TECPR2: variants seen among roughly 807,000 people sequenced by gnomAD.
TECPR2 encodes tectonin beta-propeller repeat containing 2.
TECPR2 carries 65 observed loss-of-function variants against 138.1 expected under a neutral mutation model. The observed-to-expected ratio is 0.47, with a 90% CI of 0.39 to 0.58. The LOEUF is 0.58. Ranked by LOEUF, TECPR2 falls within the 20% of genes least tolerant of loss-of-function variation. The pLI, the probability that TECPR2 is intolerant of heterozygous loss-of-function variation, is 0.00. For synonymous variants in TECPR2, 746 were observed against 749.8 expected, an observed-to-expected ratio of 0.99 and a Z score of 0.08; for missense variants, 1,553 against 1,824.5, an observed-to-expected ratio of 0.85 and a Z score of 2.71.
rs1889279596 is a variant in TECPR2 at position 102,425,087 on chromosome 14, G to GA, written c.748dup (p.Thr250AsnfsTer20). 1 of 1,614,006 alleles carries GA rather than the reference G, an allele frequency of 6.2e-7. No homozygotes were observed. Among genetic ancestry groups the GA allele is most frequent in the Non-Finnish European group, 8.5e-7 (1 of 1,180,038 alleles). ...GGCTATGGAAGGCTGATGTCCACGGGACTGTTCAAGCCACGTTTATCTTAA... is the reference window on the plus strand; with the variant it reads ...GGCTATGGAAGGCTGATGTCCACGGGAACTGTTCAAGCCACGTTTATCTTAA... On this transcript the variant is annotated frameshift_variant, in exon 6 of 20. Coordinates refer to ENST00000359520, the MANE Select transcript of TECPR2 (RefSeq NM_014844.5). LOFTEE classifies it high-confidence loss of function.
chr14:102,444,059 C>G lies in TECPR2; in HGVS notation c.2933+232C>G, dbSNP rs752858007. Among the ~76,000 whole-genome samples, 8 of 152,194 alleles carry G rather than the reference C, an allele frequency of 5.3e-5. No homozygotes were observed. In the East Asian group the frequency reaches 1.5e-3, roughly 29 times the overall value. ...CTCTGCGCAGCCCTGAGCATCACAGCGTCATGAGTCTGTCATGACGGTCTC... is the reference window on the plus strand; with the variant it reads ...CTCTGCGCAGCCCTGAGCATCACAGGGTCATGAGTCTGTCATGACGGTCTC... On this transcript the variant is annotated intron_variant, in intron 12 of 19. Transcript: ENST00000359520.
In TECPR2 at chr14:102,420,373, G is replaced by A. The variant is rs768883983; in HGVS notation, c.639-4606G>A. ...AGTACTGCAGAATCGCACTGCAAGT[G>A]GATGGTGGCTGAGTCGGGGGCTTAG... On this transcript the variant is annotated intron_variant, in intron 5 of 19. Transcript: ENST00000359520. The surrounding 1 kb of genome is among the most constrained non-coding windows in gnomAD (Gnocchi z 4.1). Among the ~76,000 whole-genome samples, 36 of 152,216 alleles carry A rather than the reference G, an allele frequency of 2.4e-4. No homozygotes were observed. Among genetic ancestry groups the A allele is most frequent in the Non-Finnish European group, 4.3e-4 (29 of 68,042 alleles).
rs1025815348 is a variant in TECPR2, at chr14:102,415,138, G to A, written c.638+345G>A. On this transcript the variant is annotated intron_variant, in intron 5 of 19. Coordinates refer to ENST00000359520, the MANE Select transcript of TECPR2 (RefSeq NM_014844.5). This position sits in a 1 kb window ranked among gnomAD's most constrained non-coding sequence, Gnocchi z 4.3. ...CCACACAGCCCTGGTGAGGGGTCAGGGTTGTGGGGCTCACTCGTTATTCAG... is the reference window on the plus strand; with the variant it reads ...CCACACAGCCCTGGTGAGGGGTCAGAGTTGTGGGGCTCACTCGTTATTCAG... Among the ~76,000 whole-genome samples the A allele has an allele frequency of 3.9e-5, 6 of 152,202 alleles. No homozygotes were observed. The highest frequency in any genetic ancestry group is 8.8e-5 in the Non-Finnish European group (6 of 68,044).
At chr14:102,465,724 C>T (rs776124445) in intron 17 of TECPR2, 92 of 909,856 alleles carry the variant, frequency 1.0e-4, no homozygotes, top group Admixed American at 1.2e-4. Flanking sequence ...GAAGAAATTC[C>T]GTTTCCTGTC....
At chr14:102,366,952 T>C (rs1782270658) in intron 1 of TECPR2, among the ~76,000 whole-genome samples, 1 of 152,212 alleles carries the variant, frequency 6.6e-6, no homozygotes. Flanking sequence ...ATATTTAAGC[T>C]GAGACCCCAC....
At chr14:102,452,259 A>C in intron 15 of TECPR2, 135 bp from the exon 16 acceptor site, 1 of 759,162 alleles carries the variant, frequency 1.3e-6, no homozygotes, top group Non-Finnish European at 2.1e-6. Flanking sequence ...CCGTGTGGGA[A>C]TGGGCAGGTG....
At chr14:102,427,664 A>G (rs1414556505) in intron 6 of TECPR2, among the ~76,000 whole-genome samples, 1 of 152,192 alleles carries the variant, frequency 6.6e-6, no homozygotes, top group East Asian at 1.9e-4. Context: ...GTATTCATTC[A>G]AAACCCATGA....
chr14:102,379,552 A>G (rs12884700), intron 2 of TECPR2, among the ~76,000 whole-genome samples: 6 of 140,650 alleles, frequency 4.3e-5, no homozygotes, highest in African/African-American at 5.3e-5. Flanking sequence ...GAAGATCACA[A>G]TCTTAAAATC....
intron 1 of TECPR2, among the ~76,000 whole-genome samples, chr14:102,372,196 C>A (rs996487471): frequency 1.3e-5 from 2 of 152,186 alleles, no homozygotes; most frequent in Admixed American, 1.3e-4. Flanking sequence ...AGTGATCTAC[C>A]CACCTTGGCC....
intron 1 of TECPR2, among the ~76,000 whole-genome samples, chr14:102,370,511 G>A (rs1188665879): frequency 1.3e-5 from 2 of 152,232 alleles, no homozygotes; most frequent in Non-Finnish European, 2.9e-5. Flanking sequence ...AGTAGAAGGT[G>A]TGAAGGCCAG....
chr14:102,415,661 C>T lies in TECPR2; in HGVS notation c.638+868C>T, dbSNP rs1211019100. Among the ~76,000 whole-genome samples, 2 of 152,002 alleles carry T rather than the reference C, an allele frequency of 1.3e-5. No individual in the cohort carries two copies. Among genetic ancestry groups the T allele is most frequent in the African/African-American group, 2.4e-5 (1 of 41,354 alleles). On this transcript the variant is annotated intron_variant, in intron 5 of 19. Coordinates refer to ENST00000359520, the MANE Select transcript of TECPR2 (RefSeq NM_014844.5). The surrounding 1 kb of genome is among the most constrained non-coding windows in gnomAD (Gnocchi z 4.3). ...CAACGTGGGGGTGGGAAGCAGAGGG[C>T]GGCATTAGTACAGATCATGCGTTGA...
At chr14:102,366,490 G>T (rs1287949506) in intron 1 of TECPR2, among the ~76,000 whole-genome samples, 4 of 152,144 alleles carry the variant, frequency 2.6e-5, no homozygotes, top group Non-Finnish European at 5.9e-5. Context: ...GGGATTACAG[G>T]TGTGCGCCAC....
At chr14:102,444,028 G>C (rs1178478209) in intron 12 of TECPR2, among the ~76,000 whole-genome samples, 4 of 152,068 alleles carry the variant, frequency 2.6e-5, no homozygotes, top group Admixed American at 2.6e-4. Flanking sequence ...TAAAAATGCT[G>C]CCGCCCTCTG....
At chr14:102,407,765 G>A (rs984286849) in intron 3 of TECPR2, among the ~76,000 whole-genome samples, 1 of 152,280 alleles carries the variant, frequency 6.6e-6, no homozygotes, top group Admixed American at 6.5e-5. Flanking sequence ...GGGAGGCCGA[G>A]GCAGGCAGAT....
At chr14:102,392,211 T>C (rs1888196775) in intron 2 of TECPR2, among the ~76,000 whole-genome samples, 1 of 152,124 alleles carries the variant, frequency 6.6e-6, no homozygotes, top group Non-Finnish European at 1.5e-5. Flanking sequence ...AGGCTGGTCA[T>C]GAACTCCTGG....
chr14:102,428,204 T>G, intron 6 of TECPR2, 46 bp from the exon 7 acceptor site: 1 of 1,498,176 alleles, frequency 6.7e-7, no homozygotes, highest in Non-Finnish European at 8.9e-7. Context: ...GTTACCGTTG[T>G]TTAGTTTTGT....
At chr14:102,474,696 A>G (rs1335099767) in intron 17 of TECPR2, among the ~76,000 whole-genome samples, 1 of 152,234 alleles carries the variant, frequency 6.6e-6, no homozygotes, top group East Asian at 1.9e-4. Flanking sequence ...AATGGGTAGG[A>G]AAACTTTTTC....
Position 102,477,364 on chromosome 14 carries a change from C to T in TECPR2, c.3789+12075C>T, listed in dbSNP as rs561103770. Among the ~76,000 whole-genome samples the T allele has an allele frequency of 4.7e-5, 7 of 149,118 alleles. No individual in the cohort carries two copies. In the East Asian group the frequency reaches 1.2e-3, roughly 25 times the overall value. On this transcript the variant is annotated intron_variant, in intron 17 of 19. Coordinates refer to ENST00000359520, the MANE Select transcript of TECPR2 (RefSeq NM_014844.5). ...CAGCCTGGGCAACAGAGCGAGACTC[C>T]GTCTCAAAAAAAAAAAAAAGGAAAG...
At chr14:102,436,201 C>T (rs1054249474) in intron 9 of TECPR2, among the ~76,000 whole-genome samples, 2 of 152,194 alleles carry the variant, frequency 1.3e-5, no homozygotes, top group African/African-American at 2.4e-5. Context: ...AAATGAAGGG[C>T]GGGCCCCAGG....
Sources: gnomAD v4.1 joint callset for allele counts (sites outside exome capture counted in the v4.1 genomes callset) on GRCh38, gnomAD v4.1.1 for gene constraint, Gnocchi (gnomAD v3.1) non-coding constraint, MANE v1.5 for transcripts, NCBI Gene and HGNC (gene_info 2026-07-23, HGNC 2026-07-21) for gene names.